Variants in WDR75 observed in about 807,000 individuals in gnomAD.
WDR75 encodes the protein WD repeat domain 75.
Under a neutral mutation model 106.1 loss-of-function variants are expected in WDR75, and 52 were observed. That is an observed-to-expected ratio of 0.49 (90% CI 0.39 to 0.62). WDR75 has a LOEUF of 0.62. Among genes scored for constraint, WDR75 ranks in the 20% least tolerant of loss-of-function variants. The probability of loss-of-function intolerance (pLI) is 0.00; values close to 1 mark genes in which losing one functional copy is unlikely to be tolerated. For missense variants in WDR75, 905 were observed against 970.3 expected (o/e 0.93, Z 0.89); for synonymous variants, 333 against 335.5 (o/e 0.99, Z 0.08).
At chr2:189,450,714 A>T in intron 2 of WDR75, 189 bp from the exon 3 acceptor site, 1 of 1,397,318 alleles carries the variant, frequency 7.2e-7, no homozygotes, top group Non-Finnish European at 9.2e-7. Context: ...AAATGGATGG[A>T]TCTGCTTCTT....
At chr2:189,445,365 C>T (rs1043735797) in intron 1 of WDR75, among the ~76,000 whole-genome samples, 2 of 152,200 alleles carry the variant, frequency 1.3e-5, no homozygotes, top group Non-Finnish European at 2.9e-5. Flanking sequence ...CACAGACAGT[C>T]TTAATGCCTT....
chr2:189,453,422 T>C (rs1686666709), intron 4 of WDR75, among the ~76,000 whole-genome samples: 1 of 152,164 alleles, frequency 6.6e-6, no homozygotes, highest in Admixed American at 6.5e-5. Context: ...TAGTTGCCAA[T>C]AGCTGCTAGC....
At chr2:189,468,435 A>G in intron 14 of WDR75, 40 bp from the exon 15 acceptor site, 3 of 1,597,176 alleles carry the variant, frequency 1.9e-6, no homozygotes, top group Non-Finnish European at 2.6e-6. Context: ...TGAATTTGCT[A>G]GAACTGACTG....
chr2:189,456,304 G>A (rs984465074), intron 5 of WDR75, among the ~76,000 whole-genome samples: 5 of 152,098 alleles, frequency 3.3e-5, no homozygotes, highest in African/African-American at 1.2e-4. Flanking sequence ...TACATAAAGA[G>A]ATGAAAACAT....
At chr2:189,446,768 T>C (rs1311311958) in intron 1 of WDR75, among the ~76,000 whole-genome samples, 2 of 152,220 alleles carry the variant, frequency 1.3e-5, no homozygotes, top group Non-Finnish European at 2.9e-5. Flanking sequence ...CATACATACC[T>C]ATGATAAAGT....
At chr2:189,458,178 C>T (rs1310229797) in intron 6 of WDR75, among the ~76,000 whole-genome samples, 1 of 152,188 alleles carries the variant, frequency 6.6e-6, no homozygotes, top group Non-Finnish European at 1.5e-5. Flanking sequence ...CCGCCTCAGC[C>T]TCCGAAAGTG....
intron 5 of WDR75, among the ~76,000 whole-genome samples, chr2:189,456,947 T>A (rs1330338272): frequency 6.6e-6 from 1 of 152,068 alleles, no homozygotes; most frequent in Non-Finnish European, 1.5e-5. Context: ...GTGTTTCTTT[T>A]TAAACAGTGT....
chr2:189,451,151 G>A (rs956990172), intron 3 of WDR75, among the ~76,000 whole-genome samples, 183 bp downstream of exon 3: 2 of 152,084 alleles, frequency 1.3e-5, no homozygotes, highest in African/African-American at 4.8e-5. Context: ...ACAAGGTAAA[G>A]CTGGAAGAAG....
chr2:189,448,571 G>A (rs1384126488), intron 2 of WDR75, 63 bp downstream of exon 2: 3 of 1,576,992 alleles, frequency 1.9e-6, no homozygotes, highest in Non-Finnish European at 1.7e-6. Context: ...AAAAATTTGA[G>A]TTGAATTTGA....
intron 1 of WDR75, among the ~76,000 whole-genome samples, chr2:189,444,755 C>T (rs1686460026): frequency 6.6e-6 from 1 of 152,124 alleles, no homozygotes. Flanking sequence ...GGCTTTCAAT[C>T]CCTTCTCTGA....
intron 8 of WDR75, 24 bp downstream of exon 8, chr2:189,459,448 A>G: frequency 6.3e-7 from 1 of 1,586,866 alleles, no homozygotes; most frequent in Non-Finnish European, 8.6e-7. Flanking sequence ...TAATTATTAA[A>G]ATGAACTTTT....
intron 5 of WDR75, 199 bp downstream of exon 5, chr2:189,455,643 T>G (rs1686718475): frequency 1.8e-6 from 1 of 555,164 alleles, no homozygotes; most frequent in African/African-American, 1.9e-5. Context: ...TTTTGTGTGT[T>G]CTGTCCTATT....
intron 8 of WDR75, among the ~76,000 whole-genome samples, chr2:189,460,596 C>T (rs1686858988): frequency 6.6e-6 from 1 of 151,146 alleles, no homozygotes; most frequent in Non-Finnish European, 1.5e-5. Flanking sequence ...CCTCGACTTC[C>T]TGGGCTCAAA....
Position 189,467,629 on chromosome 2 carries a change from C to A in WDR75, c.1609C>A (p.Gln537Lys). 1 of 1,597,642 alleles carries A rather than the reference C, an allele frequency of 6.3e-7. No individual in the cohort carries two copies. Among genetic ancestry groups the A allele is most frequent in the South Asian group, 1.1e-5 (1 of 87,432 alleles). ...VTWELKCTFCQRAGKIRHLCF... is the reference protein window; with the variant it reads ...VTWELKCTFCKRAGKIRHLCF... ...ATGGGAACTTAAATGTACATTTTGCCAACGAGCTGGGAAAATAAGGTAGGT... is the reference window on the plus strand; with the variant it reads ...ATGGGAACTTAAATGTACATTTTGCAAACGAGCTGGGAAAATAAGGTAGGT... The change falls in exon 14 of 21, where the codon CAA (glutamine) becomes AAA (lysine). Residue 537 changes from glutamine to lysine, a missense_variant. Coordinates refer to ENST00000314761, the MANE Select transcript of WDR75 (RefSeq NM_032168.3).
chr2:189,466,679 A>G (rs1687008135), intron 13 of WDR75, 97 bp downstream of exon 13: 2 of 1,253,082 alleles, frequency 1.6e-6, no homozygotes, highest in Non-Finnish European at 1.1e-6. Flanking sequence ...GACATTTTCT[A>G]CTTTATTGAA....
intron 14 of WDR75, 127 bp from the exon 15 acceptor site, chr2:189,468,348 T>C: frequency 1.3e-6 from 1 of 767,656 alleles, no homozygotes; most frequent in Non-Finnish European, 2.1e-6. Context: ...AGGATAATTA[T>C]AAACAAAAAT....
chr2:189,456,892 T>G (rs1234633379), intron 5 of WDR75, among the ~76,000 whole-genome samples: 2 of 152,214 alleles, frequency 1.3e-5, no homozygotes, highest in Non-Finnish European at 2.9e-5. Context: ...CATATTAATA[T>G]ACTCTTATCA....
intron 7 of WDR75, 151 bp downstream of exon 7, chr2:189,459,023 C>A: frequency 9.1e-7 from 1 of 1,099,096 alleles, no homozygotes; most frequent in Non-Finnish European, 1.2e-6. Context: ...GAATTTCTAG[C>A]CTTGGACTTA....
chr2:189,442,234 G>A (rs1041527932), intron 1 of WDR75, among the ~76,000 whole-genome samples: 13 of 152,050 alleles, frequency 8.5e-5, no homozygotes, highest in African/African-American at 3.1e-4. Flanking sequence ...TGGTTATTGG[G>A]AGGATTAAAT....
Sources: gnomAD v4.1 joint callset for allele counts (sites outside exome capture counted in the v4.1 genomes callset) on GRCh38, gnomAD v4.1.1 for gene constraint, MANE v1.5 for transcripts, NCBI Gene and HGNC (gene_info 2026-07-23, HGNC 2026-07-21) for gene names.